Variants in CNTNAP2 observed in about 807,000 individuals in gnomAD.
CNTNAP2 encodes contactin-associated protein-like 2.
CNTNAP2 carries 98 observed loss-of-function variants against 155.2 expected under a neutral mutation model. The ratio of observed to expected loss-of-function variants is 0.63; its 90% CI spans 0.54 to 0.75. The LOEUF (loss-of-function observed/expected upper bound fraction) is 0.75, where lower values mean the gene tolerates loss of function less well. Among genes scored for constraint, CNTNAP2 ranks in the 30% least tolerant of loss-of-function variants. The pLI is 0.00. For missense variants in CNTNAP2, 1,727 were observed against 1,688.1 expected, an observed-to-expected ratio of 1.02 and a Z score of -0.40; for synonymous variants, 651 against 631.2, an observed-to-expected ratio of 1.03 and a Z score of -0.47.
In CNTNAP2 at chr7:147,434,679, A is replaced by C. The variant is rs564089320; in HGVS notation, c.1670+38899A>C. The stretch of plus-strand genomic sequence containing the variant: ...CCAGGTATGAAAGCTGGTTTTGCTT[A>C]TCTAAAAGAGTGGACTAAAAGTAAG... On this transcript the variant is annotated intron_variant, in intron 10 of 23. Coordinates refer to ENST00000361727, the MANE Select transcript of CNTNAP2 (RefSeq NM_014141.6). Among the ~76,000 whole-genome samples, 3 of 152,344 alleles carry C rather than the reference A, an allele frequency of 2.0e-5. No homozygotes were observed. The South Asian group carries it at 6.2e-4, about 32-fold the overall frequency.
chr7:147,772,488 AC>A lies in CNTNAP2; in HGVS notation c.2099-131076del, dbSNP rs1422213374. On this transcript the variant is annotated intron_variant, in intron 13 of 23. Transcript: ENST00000361727. ...TATATATATATATATATATATACAC[AC>A]ACAAAAAAAAAACCACAAAAGAGGT... Among the ~76,000 whole-genome samples, 205 of 129,508 alleles carry A rather than the reference AC, an allele frequency of 1.6e-3. 12 individuals carry two copies. Among genetic ancestry groups the A allele is most frequent in the African/African-American group, 6.4e-3 (197 of 30,618 alleles). 85.0% of individuals were successfully genotyped at this position (129,508 alleles called of 152,430 possible).
intron 19 of CNTNAP2, among the ~76,000 whole-genome samples, chr7:148,227,911 G>GTGTA (rs1795883928): frequency 6.6e-6 from 1 of 151,238 alleles, no homozygotes. Context: ...GTGTGTGTGT[G>GTGTA]TGTGTGTGTG....
Position 146,163,011 on chromosome 7 carries a change from T to C in CNTNAP2, c.97+46038T>C, listed in dbSNP as rs1202157426. ...ATCACACACTGGGGTCTGTTGGGGG[T>C]TTGGGGGAGAGAGGAGGGATAACAT... On this transcript the variant is annotated intron_variant, in intron 1 of 23. Transcript: ENST00000361727. 2.6e-5 allele frequency among the ~76,000 whole-genome samples: 4 copies of C among 151,440 alleles called. No individual in the cohort carries two copies. The South Asian group carries it at 6.3e-4, about 24-fold the overall frequency.
intron 1 of CNTNAP2, among the ~76,000 whole-genome samples, chr7:146,582,227 T>C (rs1482825024): frequency 2.6e-5 from 4 of 152,106 alleles, no homozygotes; most frequent in Non-Finnish European, 4.4e-5. Context: ...CCAAAGGCTT[T>C]GAGATTATAT....
At chr7:148,407,204 C>T (rs7797904) in intron 22 of CNTNAP2, among the ~76,000 whole-genome samples, 85,828 of 151,736 alleles carry the variant, frequency 0.57, 24,887 homozygotes, top group African/African-American at 0.64. Context: ...AATTTTAGGA[C>T]TAATCTTATA....
At chr7:148,017,974 A>G (rs1585079939) in intron 15 of CNTNAP2, among the ~76,000 whole-genome samples, 1 of 152,242 alleles carries the variant, frequency 6.6e-6, no homozygotes, top group South Asian at 2.1e-4. Flanking sequence ...CTTCTTGTGC[A>G]GGTTTTTCTA....
At chr7:147,896,698 T>C (rs1412357812) in intron 13 of CNTNAP2, among the ~76,000 whole-genome samples, 2 of 152,156 alleles carry the variant, frequency 1.3e-5, no homozygotes, top group East Asian at 3.9e-4. Context: ...TCTCAAGCAC[T>C]GATTTTAGGA....
intron 1 of CNTNAP2, among the ~76,000 whole-genome samples, chr7:146,380,331 A>AT (rs1795363146): frequency 6.6e-6 from 1 of 152,198 alleles, no homozygotes; most frequent in Non-Finnish European, 1.5e-5. Context: ...TATATCTCAT[A>AT]TTTTTATGAA....
At position 148,419,921 on chromosome 7, in the gene CNTNAP2, G is replaced by A. The variant is rs985189162; in HGVS notation, c.*4305G>A. The stretch of plus-strand genomic sequence containing the variant: ...TTTACCTACTTCATAAGACAGTTGC[G>A]AGGTGCCATTGATTCTTGACTGCAA... On this transcript the variant is annotated 3_prime_UTR_variant, in exon 24 of 24. Coordinates refer to ENST00000361727, the MANE Select transcript of CNTNAP2 (RefSeq NM_014141.6). 2.0e-5 allele frequency: 3 copies of A among 152,158 alleles called. No homozygotes were observed. The highest frequency in any genetic ancestry group is 2.1e-4 in the South Asian group (1 of 4,822). 9.4% of individuals were successfully genotyped at this position (152,158 alleles called of 1,614,324 possible).
intron 8 of CNTNAP2, among the ~76,000 whole-genome samples, chr7:147,178,562 A>G (rs1802394398): frequency 6.6e-6 from 1 of 152,138 alleles, no homozygotes; most frequent in South Asian, 2.1e-4. Flanking sequence ...AAGAGTCTGA[A>G]TGGATACTTA....
In CNTNAP2 at chr7:147,903,601, A is replaced by T; in HGVS notation, c.2135A>T (p.Asn712Ile). The T allele has an allele frequency of 6.2e-7, 1 of 1,614,214 alleles. No individual in the cohort carries two copies. The highest frequency in any genetic ancestry group is 8.5e-7 in the Non-Finnish European group (1 of 1,180,030). Residue 712 changes from asparagine to isoleucine, a missense_variant, in exon 14 of 24, where the codon AAC becomes ATC. Asn to Ile is a moderately radical substitution (Grantham distance 149, BLOSUM62 -3). Coordinates refer to ENST00000361727, the MANE Select transcript of CNTNAP2 (RefSeq NM_014141.6). Reference protein sequence around the residue: ...SPYTWWVGKANEKHYYWGGSG... With the variant: ...SPYTWWVGKAIEKHYYWGGSG... ...TACACTTGGTGGGTTGGCAAAGCCA[A>T]CGAGAAGCACTACTACTGGGGAGGC... is the stretch of plus-strand genomic sequence containing the variant.
chr7:148,415,091 G>A (rs1799949352), intron 23 of CNTNAP2, among the ~76,000 whole-genome samples: 2 of 152,172 alleles, frequency 1.3e-5, no homozygotes, highest in Admixed American at 6.5e-5. Flanking sequence ...TAGGAAAAAT[G>A]TAGGATTCCT....
intron 9 of CNTNAP2, among the ~76,000 whole-genome samples, chr7:147,342,298 T>C (rs145358393): frequency 2.0e-5 from 3 of 152,162 alleles, no homozygotes; most frequent in African/African-American, 7.2e-5. Context: ...GCTTCTAATG[T>C]ATCTAATTTA....
intron 1 of CNTNAP2, among the ~76,000 whole-genome samples, chr7:146,339,418 G>T (rs888334780): frequency 1.3e-5 from 2 of 151,900 alleles, no homozygotes; most frequent in Non-Finnish European, 2.9e-5. Context: ...TTCTTTTATG[G>T]GATATACAAT....
intron 13 of CNTNAP2, among the ~76,000 whole-genome samples, chr7:147,868,644 G>C (rs1369178418): frequency 2.6e-5 from 4 of 152,182 alleles, no homozygotes; most frequent in South Asian, 4.1e-4. Flanking sequence ...GAGCTTCCTG[G>C]CCACTTCGTT....
chr7:146,787,426 C>T (rs1002798808), intron 2 of CNTNAP2, among the ~76,000 whole-genome samples: 1 of 152,088 alleles, frequency 6.6e-6, no homozygotes, highest in African/African-American at 2.4e-5. Context: ...TTCGTGGTCT[C>T]GCTGACTTCA....
chr7:146,569,950 T>G (rs1798416139), intron 1 of CNTNAP2, among the ~76,000 whole-genome samples: 2 of 152,190 alleles, frequency 1.3e-5, no homozygotes, highest in African/African-American at 2.4e-5. Context: ...AGTAGTTAAA[T>G]GCATGAGCTC....
intron 1 of CNTNAP2, among the ~76,000 whole-genome samples, chr7:146,573,054 T>C (rs922165175): frequency 6.6e-6 from 1 of 152,186 alleles, no homozygotes; most frequent in Non-Finnish European, 1.5e-5. Context: ...TCAAGTGTTA[T>C]GCGTCTCTTT....
chr7:146,744,152 T>G (rs1445550151), intron 1 of CNTNAP2, among the ~76,000 whole-genome samples: 1 of 131,242 alleles, frequency 7.6e-6, no homozygotes, highest in African/African-American at 2.9e-5. Context: ...CGCTGGAACC[T>G]GGGGGGAAGA....
Sources: allele counts gnomAD v4.1 joint callset (sites outside exome capture counted in the v4.1 genomes callset), GRCh38; gene constraint gnomAD v4.1.1; transcripts MANE v1.5; gene names NCBI Gene and HGNC (gene_info 2026-07-23, HGNC 2026-07-21).